The following PPRC1 variants were observed in gnomAD, a reference collection of about 807,000 sequenced individuals.
PPRC1 encodes PPARG related coactivator 1, also known as peroxisome proliferator-activated receptor gamma coactivator-related protein 1.
PPRC1 carries 23 observed loss-of-function variants against 132.5 expected under a neutral mutation model. The ratio of observed to expected loss-of-function variants is 0.17; its 90% CI spans 0.12 to 0.25. The LOEUF is 0.25. Ranked by LOEUF, PPRC1 falls within the 10% of genes least tolerant of loss-of-function variation. The probability of loss-of-function intolerance (pLI) is 1.00; values close to 1 mark genes in which losing one functional copy is unlikely to be tolerated. For synonymous variants in PPRC1, 872 were observed against 833.5 expected (o/e 1.05, Z -0.80); for missense variants, 2,006 against 2,089.1 (o/e 0.96, Z 0.78).
In PPRC1 at chr10:102,149,336, G is replaced by T. The variant is rs551781528; in HGVS notation, c.4891+7G>T. 1.2e-4 allele frequency: 181 copies of T among 1,571,706 alleles called. No homozygotes were observed. The South Asian group carries it at 2.0e-3, about 17-fold the overall frequency. Reference sequence around the variant, plus strand: ...AGGAGCTATTCTGATCTTGGTGAGTGGAGGGAGGGCCTAAAGCTTTGGAAT... The same window carrying T: ...AGGAGCTATTCTGATCTTGGTGAGTTGAGGGAGGGCCTAAAGCTTTGGAAT... On this transcript the variant is annotated splice_region_variant and intron_variant, in intron 13 of 13. Transcript: ENST00000278070.
rs371010227 is a variant in PPRC1 at position 102,141,923 on chromosome 10, C to T, written c.3415C>T (p.Arg1139Cys). 44 of 1,613,980 alleles carry T rather than the reference C, an allele frequency of 2.7e-5. No individual in the cohort carries two copies. Among genetic ancestry groups the T allele is most frequent in the Admixed American group, 1.2e-4 (7 of 59,998 alleles). The change falls in exon 5 of 14, where the codon CGT becomes TGT. Residue 1139 changes from arginine (R) to cysteine (C), a missense_variant. Physicochemically the swap from Arg to Cys is radical, Grantham distance 180 (BLOSUM62 -3). Transcript: ENST00000278070. ...VPKLPAVHPA[R>C]LRKLSFLPTP... ...CAAGCTGCCTGCTGTCCACCCAGCC[C>T]GTCTAAGGAAGCTGTCCTTCCTGCC...
chr10:102,147,174 A>G lies in PPRC1; in HGVS notation c.4182A>G (p.Glu1394=), dbSNP rs750106634. 1 of 1,613,830 alleles carries G rather than the reference A, an allele frequency of 6.2e-7. No homozygotes were observed. The highest frequency in any genetic ancestry group is 1.1e-5 in the South Asian group (1 of 91,062). The change falls in exon 9 of 14, where the codon GAA becomes GAG. Residue 1394 remains glutamate, a synonymous_variant. Transcript: ENST00000278070. The part of the protein sequence containing the change: ...RNDMNTRTPP[E]PSAKQRSMRC... ...ACATGAACACTAGGACTCCCCCTGA[A>G]CCCTCAGCCAAGCAGCGGTCAATGC...
Position 102,140,639 on chromosome 10 carries a change from G to T in PPRC1, c.2131G>T (p.Val711Leu), listed in dbSNP as rs17847386. The T allele has an allele frequency of 1.8e-5, 29 of 1,613,904 alleles. No individual in the cohort carries two copies. The highest frequency in any genetic ancestry group is 2.4e-5 in the Non-Finnish European group (28 of 1,180,020). The change falls in exon 5 of 14, where the codon GTG becomes TTG. Residue 711 changes from valine (V) to leucine (L), a missense_variant. Around this residue, in one of 2 missense-constraint regions of PPRC1, gnomAD observed 1,914 missense variants for 1,917.2 expected, o/e 1.00. Coordinates refer to ENST00000278070, the MANE Select transcript of PPRC1 (RefSeq NM_015062.5). Reference protein sequence around the residue: ...ALGGSAPQLLVESESLDPPKT... With the variant: ...ALGGSAPQLLLESESLDPPKT... ...GGGGGGTTCAGCACCCCAGCTCCTC[G>T]TGGAGTCAGAGTCCTTGGACCCACC...
intron 13 of PPRC1, 146 bp from the exon 14 acceptor site, chr10:102,149,780 G>T: frequency 1.5e-6 from 1 of 665,484 alleles, no homozygotes; most frequent in Non-Finnish European, 2.7e-6. Flanking sequence ...GAGAAATGGG[G>T]ACTGGGGACT....
In PPRC1 at chr10:102,148,784, G is replaced by T; in HGVS notation, c.4618-33G>T. On this transcript the variant is annotated intron_variant, in intron 11 of 13. Coordinates refer to ENST00000278070, the MANE Select transcript of PPRC1 (RefSeq NM_015062.5). The surrounding 1 kb of genome is among the most constrained non-coding windows in gnomAD (Gnocchi z 4.2). ...GCCTGCAGCTGTAGCCCTGGCTAAT[G>T]GTGTGTTGATTTTTTTTCATTTCCA... The T allele has an allele frequency of 6.2e-7, 1 of 1,614,154 alleles. No individual in the cohort carries two copies. The highest frequency in any genetic ancestry group is 1.7e-5 in the Admixed American group (1 of 60,012).
Position 102,141,709 on chromosome 10 carries a change from A to G in PPRC1, c.3201A>G (p.Lys1067=), listed in dbSNP as rs1286480208. Residue 1067 remains lysine, a synonymous_variant, in exon 5 of 14, where the codon AAA becomes AAG. Transcript: ENST00000278070. ...CAGTGCCTGCATCTCCCCATCCGAA[A>G]CACAAGGTGTCTGCCCTGGTGCAAA... ...VKPVPASPHP[K]HKVSALVQSP... The G allele has an allele frequency of 5.0e-6, 8 of 1,613,878 alleles. No individual in the cohort carries two copies. Among genetic ancestry groups the G allele is most frequent in the Middle Eastern group, 1.6e-4 (1 of 6,084 alleles).
intron 1 of PPRC1, among the ~76,000 whole-genome samples, chr10:102,136,578 A>G (rs1371463716): frequency 1.3e-5 from 2 of 152,026 alleles, no homozygotes; most frequent in African/African-American, 4.8e-5. Context: ...ACATTCGCAT[A>G]ACTTTTATTA....
chr10:102,145,295 A>T (rs900075158), intron 8 of PPRC1, among the ~76,000 whole-genome samples: 1 of 152,254 alleles, frequency 6.6e-6, no homozygotes, highest in African/African-American at 2.4e-5. Context: ...GGCTAGGCGC[A>T]GTGGCTCGCG....
chr10:102,143,024 C>T (rs2069065257), intron 5 of PPRC1, 21 bp from the exon 6 acceptor site: 1 of 1,608,056 alleles, frequency 6.2e-7, no homozygotes, highest in African/African-American at 1.3e-5. Context: ...GTTTTCAATC[C>T]TGTGTTGTGT....
At chr10:102,125,257 A>ATT in the PPRC1 span, among the ~76,000 whole-genome samples, 66 of 119,770 alleles carry the variant, frequency 5.5e-4, no homozygotes, top group Middle Eastern at 9.1e-3. Flanking sequence ...CACCCAGTTA[A>ATT]TTTTTTTTTT....
the PPRC1 span, among the ~76,000 whole-genome samples, chr10:102,127,033 A>ATG: frequency 4.6e-4 from 22 of 48,140 alleles, no homozygotes; most frequent in African/African-American, 9.4e-4. Context: ...ATATATATAT[A>ATG]TATATATATA....
upstream of PPRC1, chr10:102,132,983 A>T (rs924857987): frequency 9.7e-6 from 12 of 1,232,060 alleles, no homozygotes; most frequent in African/African-American, 1.6e-4. Context: ...TTGCAGTGTC[A>T]TTCGGGAGTT....
At chr10:102,147,472 C>G (rs2069314706) in intron 9 of PPRC1, 80 bp downstream of exon 9, 1 of 1,464,636 alleles carries the variant, frequency 6.8e-7, no homozygotes. Context: ...AGCTTTTACC[C>G]GTTGACTTTG....
the PPRC1 span, among the ~76,000 whole-genome samples, chr10:102,127,066 T>TAA: frequency 3.6e-5 from 2 of 54,886 alleles, no homozygotes; most frequent in East Asian, 3.9e-4. Flanking sequence ...TATATATATA[T>TAA]ATAAATTAAA....
At position 102,150,138 on chromosome 10, in the gene PPRC1, A is replaced by AT; in HGVS notation, c.*109_*110insT. 1 of 716,038 alleles carries AT rather than the reference A, an allele frequency of 1.4e-6. No individual in the cohort carries two copies. 44.4% of individuals were successfully genotyped at this position (716,038 alleles called of 1,614,324 possible). On this transcript the variant is annotated 3_prime_UTR_variant, in exon 14 of 14. Transcript: ENST00000278070. ...GCTGCTAGTGAGATGACTGTTTTATAAAGAAATGGAAAAAAGTGAAATAAA... is the reference window on the plus strand; with the variant it reads ...GCTGCTAGTGAGATGACTGTTTTATATAAGAAATGGAAAAAAGTGAAATAAA...
At chr10:102,122,549 G>A in the PPRC1 span, among the ~76,000 whole-genome samples, 8 of 151,638 alleles carry the variant, frequency 5.3e-5, no homozygotes, top group African/African-American at 1.9e-4. Flanking sequence ...TTTGGAGGAG[G>A]GGGAATACCT....
chr10:102,143,326 C>T lies in PPRC1; in HGVS notation c.3550+228C>T, dbSNP rs781093513. ...GAGTAGACTGGGAATCCAGGCCAGGCGTGGTGGCTCATGCCTGTAATCCCA... is the reference window on the plus strand; with the variant it reads ...GAGTAGACTGGGAATCCAGGCCAGGTGTGGTGGCTCATGCCTGTAATCCCA... On this transcript the variant is annotated intron_variant, in intron 6 of 13. Transcript: ENST00000278070. 2.6e-5 allele frequency among the ~76,000 whole-genome samples: 4 copies of T among 151,954 alleles called. No homozygotes were observed. In the East Asian group the frequency reaches 5.8e-4, roughly 22 times the overall value.
At position 102,140,456 on chromosome 10, in the gene PPRC1, T is replaced by G; in HGVS notation, c.1948T>G (p.Ser650Ala). Residue 650 changes from serine (S) to alanine (A), a missense_variant, in exon 5 of 14, where the codon TCA becomes GCA. Physicochemically the swap from Ser to Ala is moderately conservative, Grantham distance 99 (BLOSUM62 1). Transcript: ENST00000278070. The stretch of plus-strand genomic sequence containing the variant: ...AGTTGACCCTGCAGTGGTTCCCATC[T>G]CAGATAACTTGCCACCAGTTGATGC... ...AAVDPAVVPI[S>A]DNLPPVDAVP... 6.2e-7 allele frequency: 1 copy of G among 1,614,182 alleles called. No homozygotes were observed. Among genetic ancestry groups the G allele is most frequent in the Non-Finnish European group, 8.5e-7 (1 of 1,180,026 alleles).
chr10:102,141,663 C>G lies in PPRC1; in HGVS notation c.3155C>G (p.Pro1052Arg), dbSNP rs1259984787. The part of the protein sequence containing the change: ...LPGHGAPQTE[P>R]TKVEVKPVPA... The stretch of plus-strand genomic sequence containing the variant: ...GGCCATGGAGCTCCTCAGACAGAGC[C>G]TACCAAGGTGGAGGTCAAGCCAGTG... The change falls in exon 5 of 14, where the codon CCT becomes CGT. Residue 1052 changes from proline to arginine, a missense_variant. Physicochemically the swap from Pro to Arg is moderately radical, Grantham distance 103 (BLOSUM62 -2). Around this residue, in one of 2 missense-constraint regions of PPRC1, gnomAD observed 1,914 missense variants for 1,917.2 expected, o/e 1.00. Coordinates refer to ENST00000278070, the MANE Select transcript of PPRC1 (RefSeq NM_015062.5). 1.2e-6 allele frequency: 2 copies of G among 1,614,036 alleles called. No individual in the cohort carries two copies. The highest frequency in any genetic ancestry group is 2.7e-5 in the African/African-American group (2 of 74,938).
Sources: allele counts gnomAD v4.1 joint callset (sites outside exome capture counted in the v4.1 genomes callset), GRCh38; gene constraint gnomAD v4.1.1; regional missense constraint gnomAD v4.1.1; non-coding constraint Gnocchi (gnomAD v3.1); transcripts MANE v1.5; gene names NCBI Gene and HGNC (gene_info 2026-07-23, HGNC 2026-07-21).